Variants in PNPLA7 observed in about 807,000 individuals in gnomAD.
PNPLA7 encodes the protein patatin like domain 7, lysophospholipase.
Under a neutral mutation model 161.7 loss-of-function variants are expected in PNPLA7, and 153 were observed. That is an observed-to-expected ratio of 0.95 (90% CI 0.83 to 1.08). PNPLA7 has a LOEUF of 1.08. PNPLA7 is among the 50% of genes least tolerant of loss of function. PNPLA7 has a pLI of 0.00. For missense variants in PNPLA7, 1,739 were observed against 1,856.6 expected, an observed-to-expected ratio of 0.94 and a Z score of 1.16; for synonymous variants, 809 against 782.1, an observed-to-expected ratio of 1.03 and a Z score of -0.57.
At chr9:137,464,103 C>T (rs1191459265) in intron 28 of PNPLA7, 23 bp downstream of exon 28, 6 of 1,611,768 alleles carry the variant, frequency 3.7e-6, no homozygotes, top group Middle Eastern at 1.7e-4. Flanking sequence ...CAAGCGGCCG[C>T]CCTGCGCAGC....
intron 25 of PNPLA7, among the ~76,000 whole-genome samples, chr9:137,472,996 G>A (rs545186392): frequency 2.0e-5 from 3 of 152,136 alleles, no homozygotes; most frequent in South Asian, 2.1e-4. Context: ...ACAGTTCCAC[G>A]TGGCTGGGGA....
intron 12 of PNPLA7, 67 bp downstream of exon 12, chr9:137,515,312 C>T: frequency 6.4e-7 from 1 of 1,555,350 alleles, no homozygotes; most frequent in Non-Finnish European, 8.7e-7. Flanking sequence ...CAGTGCAGCT[C>T]AGCCTGGGTC....
intron 29 of PNPLA7, 200 bp downstream of exon 29, chr9:137,463,215 C>T (rs574662835): frequency 5.5e-5 from 33 of 602,392 alleles, no homozygotes; most frequent in African/African-American, 4.6e-4. Context: ...CACATGCTGC[C>T]GGTGCCTGCG....
Position 137,464,413 on chromosome 9 carries a change from G to A in PNPLA7, c.3083C>T (p.Pro1028Leu), listed in dbSNP as rs143083577. Residue 1028 changes from proline (P) to leucine (L), a missense_variant, in exon 27 of 35, where the codon CCC becomes CTC. Coordinates refer to ENST00000406427, the MANE Select transcript of PNPLA7 (RefSeq NM_001098537.3). ...LMKAALDLTY[P>L]ITSMFSGAGF... is the part of the protein sequence containing the mutation. Reference sequence around the variant, plus strand: ...GGCTCCGGAGAACATGGACGTGATGGGGTAGGTGAGGTCCAGCGCGGCCTT... The same window carrying A: ...GGCTCCGGAGAACATGGACGTGATGAGGTAGGTGAGGTCCAGCGCGGCCTT... 3.7e-6 allele frequency: 6 copies of A among 1,613,874 alleles called. No individual in the cohort carries two copies. The highest frequency in any genetic ancestry group is 5.1e-6 in the Non-Finnish European group (6 of 1,180,010).
chr9:137,480,881 G>A lies in PNPLA7; in HGVS notation c.2411+79C>T, dbSNP rs927576756. 2.1e-6 allele frequency: 3 copies of A among 1,416,486 alleles called. No homozygotes were observed. In the African/African-American group the frequency reaches 4.3e-5, roughly 20 times the overall value. 87.7% of individuals were successfully genotyped at this position (1,416,486 alleles called of 1,614,324 possible). ...GGAGCACGCTGCAGTGCAGATGCTG[G>A]ATGTGGACACAGTGGGGACACATCT... On this transcript the variant is annotated intron_variant, in intron 22 of 34. Coordinates refer to ENST00000406427, the MANE Select transcript of PNPLA7 (RefSeq NM_001098537.3).
Position 137,461,963 on chromosome 9 carries a change from G to C in PNPLA7, c.3724C>G (p.Gln1242Glu), listed in dbSNP as rs530750844. Residue 1242 changes from glutamine (Q) to glutamate (E), a missense_variant, in exon 32 of 35, where the codon CAG becomes GAG. Physicochemically the swap from Gln to Glu is conservative, Grantham distance 29 (BLOSUM62 2). Coordinates refer to ENST00000406427, the MANE Select transcript of PNPLA7 (RefSeq NM_001098537.3). Reference protein sequence around the residue: ...SGVLEKMLRDQQGPSKKPASA... With the variant: ...SGVLEKMLRDEQGPSKKPASA... ...GCGGGCTTCTTGCTCGGCCCCTGCTGGTCGCGGAGCATCTTCTCCAGCACG... is the reference window on the plus strand; with the variant it reads ...GCGGGCTTCTTGCTCGGCCCCTGCTCGTCGCGGAGCATCTTCTCCAGCACG... 6.9e-6 allele frequency: 11 copies of C among 1,595,282 alleles called. No homozygotes were observed. The South Asian group carries it at 1.2e-4, about 18-fold the overall frequency.
intron 18 of PNPLA7, among the ~76,000 whole-genome samples, chr9:137,495,475 A>G (rs930575052): frequency 6.6e-6 from 1 of 151,246 alleles, no homozygotes; most frequent in African/African-American, 2.4e-5. Context: ...ACGGAGTCTC[A>G]TTCTGTCACC....
chr9:137,544,944 G>A (rs111956095), intron 4 of PNPLA7, among the ~76,000 whole-genome samples: 2,091 of 152,198 alleles, frequency 0.014, 49 homozygotes, highest in African/African-American at 0.048. Flanking sequence ...CACCGTGCCC[G>A]GCCGAGTTTT....
chr9:137,538,044 G>C (rs1364463153), intron 8 of PNPLA7, among the ~76,000 whole-genome samples: 1 of 152,158 alleles, frequency 6.6e-6, no homozygotes, highest in Non-Finnish European at 1.5e-5. Context: ...GCCCACCTCA[G>C]CTCCAGAGAC....
At chr9:137,528,849 C>G (rs9886785) in intron 8 of PNPLA7, among the ~76,000 whole-genome samples, 1 of 151,762 alleles carries the variant, frequency 6.6e-6, no homozygotes, top group South Asian at 2.1e-4. Flanking sequence ...TACAGGAGCC[C>G]GCCACCACGC....
rs572730547 is a variant in PNPLA7 at position 137,529,380 on chromosome 9, C to T, written c.748-6523G>A. Among the ~76,000 whole-genome samples, 160 of 152,306 alleles carry T rather than the reference C, an allele frequency of 1.1e-3. 1 individual carries two copies. The highest frequency in any genetic ancestry group is 1.3e-3 in the Non-Finnish European group (88 of 68,022). On this transcript the variant is annotated intron_variant, in intron 8 of 34. Transcript: ENST00000406427. ...TAGAGTTGGGGCTTGGACTTTCCAT[C>T]CAATCTGACAGTCTGTCTTGTTGTT...
Position 137,547,212 on chromosome 9 carries a change from T to A in PNPLA7, c.193+97A>T, listed in dbSNP as rs1836578981. 1.0e-5 allele frequency: 12 copies of A among 1,205,634 alleles called. No individual in the cohort carries two copies. Among genetic ancestry groups the A allele is most frequent in the Non-Finnish European group, 1.5e-5 (12 of 820,098 alleles). 74.7% of individuals were successfully genotyped at this position (1,205,634 alleles called of 1,614,324 possible). A position where few individuals can be genotyped will look rare whatever the true frequency, so the allele number is the denominator to read the frequency against. On this transcript the variant is annotated intron_variant, in intron 3 of 34. Transcript: ENST00000406427. The surrounding 1 kb of genome is among the most constrained non-coding windows in gnomAD (Gnocchi z 4.6). ...CATCAGATTCTAGCCAAAGCCACCATGCGCTTGAGGGCCCCTCCCAGGGGC... is the reference window on the plus strand; with the variant it reads ...CATCAGATTCTAGCCAAAGCCACCAAGCGCTTGAGGGCCCCTCCCAGGGGC...
chr9:137,461,954 G>T lies in PNPLA7; in HGVS notation c.3733C>A (p.Pro1245Thr), dbSNP rs756717264. ...ACCGCACTCGCGGGCTTCTTGCTCG[G>T]CCCCTGCTGGTCGCGGAGCATCTTC... is the stretch of plus-strand genomic sequence containing the variant. Reference protein sequence around the residue: ...LEKMLRDQQGPSKKPASAVLT... With the variant: ...LEKMLRDQQGTSKKPASAVLT... Residue 1245 changes from proline (P) to threonine (T), a missense_variant, in exon 32 of 35, where the codon CCG becomes ACG. Around this residue, in one of 6 missense-constraint regions of PNPLA7, gnomAD observed 703 missense variants for 694.6 expected, o/e 1.01. Transcript: ENST00000406427. 1.1e-5 allele frequency: 17 copies of T among 1,589,186 alleles called. 1 individual carries two copies. Among genetic ancestry groups the T allele is most frequent in the Non-Finnish European group, 9.4e-6 (11 of 1,172,192 alleles).
chr9:137,474,953 G>A (rs1292061838), intron 25 of PNPLA7, among the ~76,000 whole-genome samples: 5 of 142,670 alleles, frequency 3.5e-5, no homozygotes, highest in African/African-American at 5.6e-5. Context: ...CCTGGGAGGC[G>A]GAGCTTGCAG....
chr9:137,477,956 C>T (rs1832018783), intron 25 of PNPLA7, 78 bp downstream of exon 25: 1 of 1,176,488 alleles, frequency 8.5e-7, no homozygotes, highest in Non-Finnish European at 1.1e-6. Flanking sequence ...CCCCCGCACC[C>T]AGCACCTCCT....
intron 28 of PNPLA7, 24 bp downstream of exon 28, chr9:137,464,102 G>T (rs111360750): frequency 1.2e-5 from 20 of 1,610,812 alleles, no homozygotes; most frequent in Non-Finnish European, 1.7e-5. Context: ...CCAAGCGGCC[G>T]CCCTGCGCAG....
At chr9:137,522,164 T>G (rs1313186462) in intron 9 of PNPLA7, among the ~76,000 whole-genome samples, 2 of 152,210 alleles carry the variant, frequency 1.3e-5, no homozygotes, top group Admixed American at 1.3e-4. Flanking sequence ...AAGCTCCGCC[T>G]CCCGGGTTCA....
chr9:137,538,654 T>C (rs533532479), intron 8 of PNPLA7, among the ~76,000 whole-genome samples: 93 of 152,370 alleles, frequency 6.1e-4, no homozygotes, highest in Admixed American at 1.8e-3. Context: ...GTTACCTCTT[T>C]TGAGTTGAGA....
rs945597679 is a variant in PNPLA7, at chr9:137,499,962, G to A, written c.1757+729C>T. On this transcript the variant is annotated intron_variant, in intron 16 of 34. Coordinates refer to ENST00000406427, the MANE Select transcript of PNPLA7 (RefSeq NM_001098537.3). The surrounding 1 kb of genome is among the most constrained non-coding windows in gnomAD (Gnocchi z 5.5). The stretch of plus-strand genomic sequence containing the variant: ...CAGAACGGCTCAAGCCACCAGAGGC[G>A]AGAGCTGGGGTTAAACTGAACCCCA... Among the ~76,000 whole-genome samples the A allele has an allele frequency of 2.0e-5, 3 of 152,220 alleles. No individual in the cohort carries two copies. Among genetic ancestry groups the A allele is most frequent in the African/African-American group, 7.2e-5 (3 of 41,456 alleles).
Sources: allele counts gnomAD v4.1 joint callset (sites outside exome capture counted in the v4.1 genomes callset), GRCh38; gene constraint gnomAD v4.1.1; regional missense constraint gnomAD v4.1.1; non-coding constraint Gnocchi (gnomAD v3.1); transcripts MANE v1.5; gene names NCBI Gene and HGNC (gene_info 2026-07-23, HGNC 2026-07-21).